The following MED23 variants were observed in gnomAD, a reference collection of about 807,000 sequenced individuals.
The protein encoded by MED23 is mediator complex subunit 23, also known as mediator of RNA polymerase II transcription subunit 23.
A neutral mutation model predicts 163.9 loss-of-function variants in MED23; 105 were observed. The observed-to-expected ratio is 0.64, with a 90% CI of 0.55 to 0.75. The LOEUF (loss-of-function observed/expected upper bound fraction) is 0.75. Ranked by LOEUF, MED23 falls within the 30% of genes least tolerant of loss-of-function variation. The pLI is 0.00. For missense variants in MED23, 1,054 were observed against 1,649.0 expected (o/e 0.64, Z 6.25); for synonymous variants, 561 against 565.6 (o/e 0.99, Z 0.12).
chr6:131,622,597 C>T (rs1206180684), intron 5 of MED23, among the ~76,000 whole-genome samples: 5 of 152,114 alleles, frequency 3.3e-5, no homozygotes, highest in Admixed American at 3.3e-4. Context: ...AAAGACAGAA[C>T]ATATACCTAA....
chr6:131,589,334 C>T (rs558725992), intron 28 of MED23, 131 bp downstream of exon 28: 161 of 797,766 alleles, frequency 2.0e-4, no homozygotes, highest in Non-Finnish European at 2.9e-4. Context: ...GGTCTCATAC[C>T]CACCCTTTTT....
intron 10 of MED23, among the ~76,000 whole-genome samples, chr6:131,613,568 C>T (rs964155144): frequency 1.3e-5 from 2 of 152,238 alleles, no homozygotes; most frequent in South Asian, 2.1e-4. Context: ...TGTGTGTTCT[C>T]GTTTTCTAGT....
downstream of MED23, chr6:131,583,674 G>A: frequency 1.3e-6 from 2 of 1,564,922 alleles, no homozygotes; most frequent in East Asian, 2.3e-5. Flanking sequence ...AATCTTTCAA[G>A]TCTGTCTGTA....
intron 3 of MED23, among the ~76,000 whole-genome samples, chr6:131,626,122 C>CA (rs138561737): frequency 0.15 from 8,591 of 59,120 alleles, 1,065 homozygotes; most frequent in African/African-American, 0.35. Context: ...ACTCTGTCTC[C>CA]AAAAAAAAAA....
chr6:131,596,502 C>G lies in MED23; in HGVS notation c.2778+16G>C. ...GCTTTAAAAGGACTATTTGAAATAC[C>G]AATTAGGACTAGTACCTTGTGATAA... On this transcript the variant is annotated intron_variant, in intron 21 of 28. Coordinates refer to ENST00000368068, the MANE Select transcript of MED23 (RefSeq NM_004830.4). 1 of 1,613,562 alleles carries G rather than the reference C, an allele frequency of 6.2e-7. No individual in the cohort carries two copies. Among genetic ancestry groups the G allele is most frequent in the Non-Finnish European group, 8.5e-7 (1 of 1,179,604 alleles).
intron 25 of MED23, 142 bp from the exon 26 acceptor site, chr6:131,591,669 T>C: frequency 1.4e-6 from 1 of 692,852 alleles, no homozygotes; most frequent in Non-Finnish European, 2.5e-6. Context: ...GCTTTGTAAC[T>C]GGTCAAATTA....
chr6:131,583,486 A>G (rs761914559), downstream of MED23: 2 of 1,614,098 alleles, frequency 1.2e-6, no homozygotes, highest in South Asian at 1.1e-5. Context: ...GAAATCTACA[A>G]AACAGGTAGT....
At chr6:131,581,067 T>C in intron 30 of MED23, 1 of 736,500 alleles carries the variant, frequency 1.4e-6, no homozygotes, top group Non-Finnish European at 2.4e-6. Context: ...TTCTCTATTG[T>C]TTTAACTAAT....
At position 131,628,170 on chromosome 6, in the gene MED23, C is replaced by G. The variant is rs969875596; in HGVS notation, c.-121G>C. 7.8e-6 allele frequency: 9 copies of G among 1,155,458 alleles called. No homozygotes were observed. Among genetic ancestry groups the G allele is most frequent in the African/African-American group, 3.0e-5 (2 of 66,184 alleles). 71.6% of individuals were successfully genotyped at this position (1,155,458 alleles called of 1,614,324 possible). The stretch of plus-strand genomic sequence containing the variant: ...AGGAAACCGTAGCTCCTCGGCGTCG[C>G]TTCCTCCCCCAGCGCTTTACCTGGA... On this transcript the variant is annotated 5_prime_UTR_variant, in exon 1 of 29. Coordinates refer to ENST00000368068, the MANE Select transcript of MED23 (RefSeq NM_004830.4).
At chr6:131,610,326 G>T in intron 10 of MED23, 80 bp from the exon 11 acceptor site, 6 of 1,348,900 alleles carry the variant, frequency 4.4e-6, no homozygotes, top group Non-Finnish European at 4.2e-6. Context: ...GGCATTAATT[G>T]TAACAAGAGG....
intron 17 of MED23, 100 bp from the exon 18 acceptor site, chr6:131,600,262 C>A: frequency 8.5e-7 from 1 of 1,176,234 alleles, no homozygotes; most frequent in Non-Finnish European, 1.2e-6. Flanking sequence ...CTGAGAATTT[C>A]ACTGCAGTGC....
At chr6:131,591,269 C>T (rs1054869926) in intron 26 of MED23, 44 bp downstream of exon 26, 4 of 1,477,368 alleles carry the variant, frequency 2.7e-6, no homozygotes, top group Middle Eastern at 1.9e-4. Flanking sequence ...TGAACCACCG[C>T]ACCCAGCCTA....
At chr6:131,583,068 T>G (rs1774018016), downstream of MED23, 1 of 1,612,302 alleles carries the variant, frequency 6.2e-7, no homozygotes, top group Non-Finnish European at 8.5e-7. Flanking sequence ...AGCTACATTT[T>G]GAAAACTCTA....
rs34504481 is a variant in MED23 at position 131,579,250 on chromosome 6, C to T, written c.4096-4955G>A. 89,766 of 1,613,884 alleles carry T rather than the reference C, an allele frequency of 0.056. 2,726 individuals are homozygous for T. Among genetic ancestry groups the T allele is most frequent in the Non-Finnish European group, 0.062 (73,056 of 1,179,940 alleles). Reference sequence around the variant, plus strand: ...GCAAGGTGGCAGAAGTCAAGAAGAACGGAAGAATCAGCCTGGTGCTGGGCG... The same window carrying T: ...GCAAGGTGGCAGAAGTCAAGAAGAATGGAAGAATCAGCCTGGTGCTGGGCG... On this transcript the variant is annotated intron_variant, in intron 30 of 30. Coordinates refer to the MED23 transcript ENST00000354577.
chr6:131,607,542 TAACAACAAC>T (rs544997519), intron 12 of MED23, among the ~76,000 whole-genome samples: 6 of 151,490 alleles, frequency 4.0e-5, no homozygotes, highest in South Asian at 2.1e-4. Flanking sequence ...TGAAACTCCT[TAACAACAAC>T]AACAACAACA....
Position 131,600,639 on chromosome 6 carries a change from T to C in MED23, c.2096-477A>G, listed in dbSNP as rs115653801. Among the ~76,000 whole-genome samples the C allele has an allele frequency of 9.3e-3, 1,421 of 152,338 alleles. 20 individuals are homozygous for C. Among genetic ancestry groups the C allele is most frequent in the African/African-American group, 0.033 (1,372 of 41,580 alleles). On this transcript the variant is annotated intron_variant, in intron 17 of 28. Transcript: ENST00000368068. Reference sequence around the variant, plus strand: ...ACGTATTTGAGGTTGCTAAAACCAATAACTATCTCTTTAAAACATCAGTTC... The same window carrying C: ...ACGTATTTGAGGTTGCTAAAACCAACAACTATCTCTTTAAAACATCAGTTC...
intron 9 of MED23, among the ~76,000 whole-genome samples, chr6:131,616,269 C>G (rs1377320144): frequency 6.6e-6 from 1 of 152,128 alleles, no homozygotes; most frequent in Non-Finnish European, 1.5e-5. Flanking sequence ...ACCAGACCTT[C>G]CAATCCCCCT....
chr6:131,602,187 G>A (rs756791438), intron 17 of MED23, 31 bp downstream of exon 17: 1 of 1,605,222 alleles, frequency 6.2e-7, no homozygotes, highest in East Asian at 2.2e-5. Context: ...TAATTCATCT[G>A]TTGTTGTTTG....
intron 14 of MED23, among the ~76,000 whole-genome samples, chr6:131,604,702 T>C (rs1775729096): frequency 6.6e-6 from 1 of 152,228 alleles, no homozygotes; most frequent in Non-Finnish European, 1.5e-5. Context: ...TGTTACGTTC[T>C]AATGGGGCTT....
Sources: gnomAD v4.1 joint callset for allele counts (sites outside exome capture counted in the v4.1 genomes callset) on GRCh38, gnomAD v4.1.1 for gene constraint, MANE v1.5 for transcripts, NCBI Gene and HGNC (gene_info 2026-07-23, HGNC 2026-07-21) for gene names.